The following ANKFN1 variants were observed in gnomAD, a reference collection of about 807,000 sequenced individuals.
The protein encoded by ANKFN1 is ankyrin repeat and fibronectin type III domain containing 1.
Under a neutral mutation model 108.7 loss-of-function variants are expected in ANKFN1, and 74 were observed. The ratio of observed to expected loss-of-function variants is 0.68; its 90% confidence interval spans 0.56 to 0.83. ANKFN1 has a LOEUF of 0.83. ANKFN1 is among the 40% of genes least tolerant of loss of function. The pLI, the probability that ANKFN1 is intolerant of heterozygous loss-of-function variation, is 0.00. For missense variants in ANKFN1, 1,505 were observed against 1,382.3 expected (o/e 1.09, Z -1.41); for synonymous variants, 547 against 516.2 (o/e 1.06, Z -0.81).
At chr17:56,135,443 G>T (rs1330765305) in intron 4 of ANKFN1, among the ~76,000 whole-genome samples, 2 of 152,128 alleles carry the variant, frequency 1.3e-5, no homozygotes, top group African/African-American at 2.4e-5. Flanking sequence ...CAGGTCTCTA[G>T]ATTCCTTACC....
chr17:56,220,172 G>A (rs983871404), intron 2 of ANKFN1, among the ~76,000 whole-genome samples: 4 of 152,140 alleles, frequency 2.6e-5, no homozygotes, highest in Admixed American at 6.5e-5. Flanking sequence ...CCCTCAAAGG[G>A]GGAGGTCATC....
intron 17 of ANKFN1, among the ~76,000 whole-genome samples, chr17:56,481,061 A>T (rs1209148313): frequency 7.3e-6 from 1 of 137,694 alleles, no homozygotes; most frequent in East Asian, 2.1e-4. Context: ...TCTGGACCCC[A>T]CTGTACTATG....
At chr17:56,203,491 T>C (rs577556705) in intron 1 of ANKFN1, among the ~76,000 whole-genome samples, 1 of 152,292 alleles carries the variant, frequency 6.6e-6, no homozygotes, top group Non-Finnish European at 1.5e-5. Context: ...GTCTCCAAAC[T>C]GCCCATCATA....
At chr17:56,111,860 GA>G in intron 4 of ANKFN1, among the ~76,000 whole-genome samples, 1 of 152,322 alleles carries the variant, frequency 6.6e-6, no homozygotes, top group Middle Eastern at 3.4e-3. Context: ...AAGAGCACTT[GA>G]AATCATAACG....
intron 4 of ANKFN1, among the ~76,000 whole-genome samples, chr17:56,063,789 T>C (rs551028711): frequency 4.6e-5 from 7 of 152,256 alleles, no homozygotes; most frequent in African/African-American, 1.7e-4. Flanking sequence ...TCTGTGCTCT[T>C]GCTGGAGAGA....
intron 3 of ANKFN1, among the ~76,000 whole-genome samples, chr17:56,297,524 C>T (rs2044549496): frequency 6.6e-6 from 1 of 152,166 alleles, no homozygotes; most frequent in Non-Finnish European, 1.5e-5. Context: ...AAAACAACAG[C>T]CTCTGAGATT....
intron 4 of ANKFN1, among the ~76,000 whole-genome samples, chr17:56,064,185 C>T (rs1476372034): frequency 6.6e-6 from 1 of 152,186 alleles, no homozygotes; most frequent in Non-Finnish European, 1.5e-5. Context: ...GTCTGACAAC[C>T]CCTGTTGGAG....
intron 11 of ANKFN1, among the ~76,000 whole-genome samples, chr17:56,450,317 A>G (rs1463597239): frequency 6.6e-6 from 1 of 152,226 alleles, no homozygotes; most frequent in African/African-American, 2.4e-5. Context: ...ACTGAGTTTG[A>G]GCTTGCTATA....
chr17:56,270,510 G>A (rs1369026587), intron 3 of ANKFN1, among the ~76,000 whole-genome samples: 1 of 152,170 alleles, frequency 6.6e-6, no homozygotes, highest in Non-Finnish European at 1.5e-5. Context: ...CCTACCTCTA[G>A]ATCCTGGCAA....
At chr17:56,093,412 A>G (rs924362195) in intron 4 of ANKFN1, among the ~76,000 whole-genome samples, 1 of 151,114 alleles carries the variant, frequency 6.6e-6, no homozygotes, top group African/African-American at 2.4e-5. Flanking sequence ...CAGTGGCTCC[A>G]GAGACACTGG....
intron 6 of ANKFN1, 86 bp from the exon 7 acceptor site, chr17:56,372,560 T>A: frequency 9.0e-6 from 10 of 1,109,108 alleles, no homozygotes; most frequent in South Asian, 1.5e-5. Context: ...TTTTTTCAAA[T>A]CATAGTAAAC....
chr17:56,258,321 C>G (rs2043410071), intron 3 of ANKFN1: 1 of 152,208 alleles, frequency 6.6e-6, no homozygotes, highest in South Asian at 2.1e-4. Context: ...AAAGACAGCA[C>G]TAGGCTCTTC....
At chr17:56,441,785 A>T (rs574057638) in intron 9 of ANKFN1, among the ~76,000 whole-genome samples, 1 of 152,330 alleles carries the variant, frequency 6.6e-6, no homozygotes, top group South Asian at 2.1e-4. Context: ...TTTATACTTT[A>T]CACAATCTCT....
At chr17:56,085,780 G>T (rs1020210598) in intron 4 of ANKFN1, among the ~76,000 whole-genome samples, 1 of 151,240 alleles carries the variant, frequency 6.6e-6, no homozygotes, top group South Asian at 2.1e-4. Flanking sequence ...AGGTTACCAT[G>T]GTCCCCACCA....
intron 4 of ANKFN1, among the ~76,000 whole-genome samples, chr17:56,055,915 A>G (rs1904868690): frequency 2.0e-5 from 3 of 151,908 alleles, no homozygotes; most frequent in Admixed American, 2.0e-4. Context: ...AATAATAGCC[A>G]TTCTGACTAG....
At chr17:56,504,625 A>G (rs1333570865) in intron 20 of ANKFN1, among the ~76,000 whole-genome samples, 1 of 152,038 alleles carries the variant, frequency 6.6e-6, no homozygotes, top group Non-Finnish European at 1.5e-5. Context: ...TTCAATATTA[A>G]TATCTTCTGT....
intron 6 of ANKFN1, among the ~76,000 whole-genome samples, chr17:56,369,650 C>A (rs774142339): frequency 3.3e-5 from 5 of 152,050 alleles, no homozygotes; most frequent in Non-Finnish European, 7.4e-5. Flanking sequence ...TTATATAGGT[C>A]ATTAATAATA....
At chr17:56,302,532 A>AG (rs556182764) in intron 3 of ANKFN1, among the ~76,000 whole-genome samples, 2,137 of 142,452 alleles carry the variant, frequency 0.015, 23 homozygotes, top group South Asian at 0.031. Flanking sequence ...AAAAAAAAAA[A>AG]AGAGAGAGAG....
chr17:56,157,170 AG>A (rs1282745055), intron 1 of ANKFN1, among the ~76,000 whole-genome samples: 1 of 152,296 alleles, frequency 6.6e-6, no homozygotes, highest in East Asian at 1.9e-4. Flanking sequence ...GTCACCTGGC[AG>A]GGGACAGCAA....
Sources: gnomAD v4.1 joint callset for allele counts (sites outside exome capture counted in the v4.1 genomes callset) on GRCh38, gnomAD v4.1.1 for gene constraint, MANE v1.5 for transcripts, NCBI Gene and HGNC (gene_info 2026-07-23, HGNC 2026-07-21) for gene names.